The following RFX3 variants were observed in gnomAD, a reference collection of about 807,000 sequenced individuals.
RFX3 encodes regulatory factor X3.
In RFX3, 14 loss-of-function variants were observed where a neutral mutation model predicts 98.6. That is an observed-to-expected ratio of 0.14 (90% confidence interval 0.09 to 0.22). RFX3 has a LOEUF of 0.22. Ranked by LOEUF, RFX3 falls within the 10% of genes least tolerant of loss-of-function variation. The pLI, the probability that RFX3 is intolerant of heterozygous loss-of-function variation, is 1.00. For missense variants in RFX3, 639 were observed against 926.9 expected (o/e 0.69, Z 4.03); for synonymous variants, 383 against 328.4 (o/e 1.17, Z -1.80).
intron 1 of RFX3, among the ~76,000 whole-genome samples, chr9:3,464,170 C>G (rs142148562): frequency 6.6e-6 from 1 of 152,214 alleles, no homozygotes; most frequent in African/African-American, 2.4e-5. Flanking sequence ...GGATGTAGAG[C>G]AACTGCCAGG....
intron 3 of RFX3, among the ~76,000 whole-genome samples, chr9:3,337,340 G>A (rs886518054): frequency 1.3e-5 from 2 of 152,188 alleles, no homozygotes; most frequent in Non-Finnish European, 1.5e-5. Flanking sequence ...CAGCCAGAAT[G>A]AGCAACTTTT....
chr9:3,449,891 A>G (rs893346416), intron 1 of RFX3, among the ~76,000 whole-genome samples: 7 of 151,910 alleles, frequency 4.6e-5, no homozygotes, highest in African/African-American at 1.2e-4. Context: ...GAAAAGAAAA[A>G]AAAAAAAAAC....
At chr9:3,261,507 A>G (rs1227907891) in intron 13 of RFX3, among the ~76,000 whole-genome samples, 6 of 152,118 alleles carry the variant, frequency 3.9e-5, no homozygotes, top group African/African-American at 1.4e-4. Flanking sequence ...ATAATATTCC[A>G]TTGTATGGAT....
intron 2 of RFX3, among the ~76,000 whole-genome samples, chr9:3,375,138 A>C (rs895161350): frequency 6.6e-6 from 1 of 152,206 alleles, no homozygotes; most frequent in East Asian, 1.9e-4. Flanking sequence ...GTATTACCTA[A>C]ATGTTGAAAA....
intron 1 of RFX3, among the ~76,000 whole-genome samples, chr9:3,513,261 G>C (rs907792799): frequency 6.6e-6 from 1 of 152,078 alleles, no homozygotes; most frequent in Non-Finnish European, 1.5e-5. Context: ...AATGTCATCA[G>C]TCATAGCAGT....
rs181843885 is a variant in RFX3, at chr9:3,451,077, G to A, written c.-8-55481C>T. Among the ~76,000 whole-genome samples, 83 of 152,272 alleles carry A rather than the reference G, an allele frequency of 5.5e-4. 1 individual carries two copies. The highest frequency in any genetic ancestry group is 5.3e-3 in the Admixed American group (81 of 15,298). On this transcript the variant is annotated intron_variant, in intron 1 of 16. Transcript: ENST00000617270. Reference sequence around the variant, plus strand: ...GGAGCATCCTGCAGTGTAGGAAAGCGAAGCGCTCAAAATAGAAAACAAAAA... The same window carrying A: ...GGAGCATCCTGCAGTGTAGGAAAGCAAAGCGCTCAAAATAGAAAACAAAAA...
intron 7 of RFX3, among the ~76,000 whole-genome samples, 155 bp downstream of exon 7, chr9:3,287,976 T>C (rs1826857679): frequency 6.6e-6 from 1 of 152,036 alleles, no homozygotes; most frequent in Non-Finnish European, 1.5e-5. Context: ...GCGAGATCAC[T>C]GAAATTCTAA....
intron 3 of RFX3, among the ~76,000 whole-genome samples, chr9:3,345,621 C>T (rs898837579): frequency 1.3e-5 from 2 of 152,092 alleles, no homozygotes; most frequent in African/African-American, 2.4e-5. Flanking sequence ...TATTCTCCTT[C>T]CCCTTCCATG....
At chr9:3,418,186 CT>C (rs1217754280) in intron 1 of RFX3, among the ~76,000 whole-genome samples, 2 of 152,156 alleles carry the variant, frequency 1.3e-5, no homozygotes, top group African/African-American at 2.4e-5. Flanking sequence ...GTAGCAATGC[CT>C]TAGTTTCTCA....
At chr9:3,292,132 T>G (rs981633043) in intron 6 of RFX3, among the ~76,000 whole-genome samples, 1 of 147,730 alleles carries the variant, frequency 6.8e-6, no homozygotes, top group African/African-American at 2.5e-5. Flanking sequence ...AGTTGTGCTT[T>G]ATAGCTAATT....
Position 3,222,362 on chromosome 9 carries a change from T to C in RFX3, c.*2680A>G, listed in dbSNP as rs1817381386. The C allele has an allele frequency of 1.3e-5, 2 of 152,152 alleles. No individual in the cohort carries two copies. The highest frequency in any genetic ancestry group is 4.8e-5 in the African/African-American group (2 of 41,448). 9.4% of individuals were successfully genotyped at this position (152,152 alleles called of 1,614,324 possible). Reference sequence around the variant, plus strand: ...TATTAGTTCTTAATCTGTCCTAATTTAGAACAAACCATGAACAATTGGAAG... The same window carrying C: ...TATTAGTTCTTAATCTGTCCTAATTCAGAACAAACCATGAACAATTGGAAG... On this transcript the variant is annotated 3_prime_UTR_variant, in exon 17 of 17. Transcript: ENST00000617270.
chr9:3,341,422 A>T (rs1370405062), intron 3 of RFX3, among the ~76,000 whole-genome samples: 1 of 152,146 alleles, frequency 6.6e-6, no homozygotes, highest in Non-Finnish European at 1.5e-5. Context: ...AAATTAAAAA[A>T]AAAAAGATTT....
chr9:3,430,478 T>C (rs1201129291), intron 1 of RFX3, among the ~76,000 whole-genome samples: 1 of 152,176 alleles, frequency 6.6e-6, no homozygotes, highest in Non-Finnish European at 1.5e-5. Context: ...ACCATTACCA[T>C]CAAATGAACA....
At chr9:3,230,858 C>T (rs1468093361) in intron 15 of RFX3, among the ~76,000 whole-genome samples, 1 of 152,198 alleles carries the variant, frequency 6.6e-6, no homozygotes, top group African/African-American at 2.4e-5. Context: ...AATAATATCA[C>T]ACAAAGTGTC....
At chr9:3,408,088 A>G (rs1287293776) in intron 1 of RFX3, among the ~76,000 whole-genome samples, 5 of 152,120 alleles carry the variant, frequency 3.3e-5, no homozygotes, top group Non-Finnish European at 5.9e-5. Flanking sequence ...GGCAATCTCA[A>G]TTCGTTCATT....
intron 12 of RFX3, among the ~76,000 whole-genome samples, chr9:3,263,457 A>C (rs1390683371): frequency 6.6e-6 from 1 of 152,154 alleles, no homozygotes; most frequent in African/African-American, 2.4e-5. Context: ...AGTCAAGTAG[A>C]AACTAGGCAA....
chr9:3,282,573 A>G (rs146207687), intron 7 of RFX3, among the ~76,000 whole-genome samples: 1 of 151,782 alleles, frequency 6.6e-6, no homozygotes, highest in Non-Finnish European at 1.5e-5. Context: ...GAGCTCTCCC[A>G]GGTGCTGAGG....
At position 3,348,159 on chromosome 9, in the gene RFX3, T is replaced by C. The variant is rs370247226; in HGVS notation, c.118-1395A>G. 2.4e-4 allele frequency among the ~76,000 whole-genome samples: 36 copies of C among 152,350 alleles called. No individual in the cohort carries two copies. In the East Asian group the frequency reaches 4.8e-3, roughly 20 times the overall value. On this transcript the variant is annotated intron_variant, in intron 2 of 16. Transcript: ENST00000617270. Reference sequence around the variant, plus strand: ...ATTCAAGAAACTGGGTCATTTATCTTGGAGAATTTCTGGCATCTAGACTGA... The same window carrying C: ...ATTCAAGAAACTGGGTCATTTATCTCGGAGAATTTCTGGCATCTAGACTGA...
At chr9:3,475,081 C>T (rs1317876615) in intron 1 of RFX3, among the ~76,000 whole-genome samples, 4 of 129,464 alleles carry the variant, frequency 3.1e-5, no homozygotes, top group Admixed American at 8.4e-5. Flanking sequence ...GCCTGGGCAA[C>T]AGAGCAAGAC....
Sources: allele counts gnomAD v4.1 joint callset (sites outside exome capture counted in the v4.1 genomes callset), GRCh38; gene constraint gnomAD v4.1.1; transcripts MANE v1.5; gene names NCBI Gene and HGNC (gene_info 2026-07-23, HGNC 2026-07-21).